Variants in TET2 observed in about 807,000 individuals in gnomAD.
TET2 encodes tet methylcytosine dioxygenase 2, also known as methylcytosine dioxygenase TET2.
Under a neutral mutation model 142.9 loss-of-function variants are expected in TET2, and 299 were observed. That is an observed-to-expected ratio of 2.09 (90% CI 1.90 to 2.30). The LOEUF is 2.30. Ranked by LOEUF, TET2 falls within the 30% of genes most tolerant of loss-of-function variation. TET2 has a pLI of 0.00. For missense variants in TET2, 2,418 were observed against 2,378.0 expected (o/e 1.02, Z -0.35); for synonymous variants, 819 against 849.0 (o/e 0.96, Z 0.61).
At chr4:105,184,069 A>G (rs1480675679) in intron 1 of TET2, among the ~76,000 whole-genome samples, 2 of 152,182 alleles carry the variant, frequency 1.3e-5, no homozygotes, top group African/African-American at 4.8e-5. Flanking sequence ...GTCTCTGACC[A>G]GTGAGGTCAA....
At chr4:105,252,020 G>T (rs115930414) in intron 6 of TET2, among the ~76,000 whole-genome samples, 6,017 of 152,260 alleles carry the variant, frequency 0.04, 401 homozygotes, top group African/African-American at 0.14. Flanking sequence ...TGCAGTCAAT[G>T]AACCTGCATT....
intron 1 of TET2, among the ~76,000 whole-genome samples, chr4:105,189,252 A>T (rs1379697967): frequency 6.6e-6 from 1 of 152,110 alleles, no homozygotes; most frequent in Non-Finnish European, 1.5e-5. Flanking sequence ...AAATGAGGTA[A>T]CATATGTAGT....
intron 2 of TET2, among the ~76,000 whole-genome samples, chr4:105,219,693 T>C (rs945396840): frequency 6.6e-6 from 1 of 152,062 alleles, no homozygotes; most frequent in African/African-American, 2.4e-5. Context: ...GCTGAAGATA[T>C]GAGACAATGT....
At chr4:105,203,973 G>T (rs1490667018) in intron 2 of TET2, among the ~76,000 whole-genome samples, 2 of 151,966 alleles carry the variant, frequency 1.3e-5, no homozygotes, top group African/African-American at 4.8e-5. Context: ...GGCCAAGGCG[G>T]GTAGATTACC....
chr4:105,219,828 AG>A (rs1269169120), intron 2 of TET2, among the ~76,000 whole-genome samples: 2 of 152,112 alleles, frequency 1.3e-5, no homozygotes, highest in Non-Finnish European at 2.9e-5. Flanking sequence ...CTCATTATAT[AG>A]TATTTAATAG....
intron 1 of TET2, among the ~76,000 whole-genome samples, chr4:105,175,307 A>C (rs1466896362): frequency 6.6e-6 from 1 of 152,190 alleles, no homozygotes; most frequent in Non-Finnish European, 1.5e-5. Flanking sequence ...AACTATGGTT[A>C]ATATGGTGAG....
intron 3 of TET2, chr4:105,240,987 G>GC (rs1729265015): frequency 1.9e-6 from 2 of 1,029,372 alleles, no homozygotes; most frequent in Non-Finnish European, 2.4e-6. Context: ...AGCTTTAAAT[G>GC]TTTTTTTTTT....
chr4:105,235,787 C>A lies in TET2; in HGVS notation c.1845C>A (p.Leu615=). The change falls in exon 3 of 11, where the codon CTC becomes CTA. Residue 615 remains leucine, a synonymous_variant. Coordinates refer to ENST00000380013, the MANE Select transcript of TET2 (RefSeq NM_001127208.3). ...YTGNSNMPGG[L]PRQAYTQKTT... is the part of the protein sequence containing the mutation. ...GAAATTCCAACATGCCTGGGGGGCT[C>A]CCAAGGCAAGCTTACACCCAGAAAA... The A allele has an allele frequency of 6.2e-7, 1 of 1,614,092 alleles. No homozygotes were observed. Among genetic ancestry groups the A allele is most frequent in the Non-Finnish European group, 8.5e-7 (1 of 1,180,010 alleles).
chr4:105,236,069 GA>G lies in TET2; in HGVS notation c.2128del (p.Thr710LeufsTer41). 6.2e-7 allele frequency: 1 copy of G among 1,614,136 alleles called. No individual in the cohort carries two copies. The highest frequency in any genetic ancestry group is 8.5e-7 in the Non-Finnish European group (1 of 1,180,022). On this transcript the variant is annotated frameshift_variant, in exon 3 of 11. Transcript: ENST00000380013. LOFTEE classifies it high-confidence loss of function. Reference protein sequence around the residue: ...KQHLNQQASETEPFSNSHLLQ... With the variant: ...KQHLNQQASEXEPFSNSHLLQ... ...AGCACTTGAATCAACAGGCTTCAGAGACTGAGCCATTTTCAAACTCACACCT... is the reference window on the plus strand; with the variant it reads ...AGCACTTGAATCAACAGGCTTCAGAGCTGAGCCATTTTCAAACTCACACCT...
At chr4:105,267,821 T>G (rs1730760097) in intron 8 of TET2, among the ~76,000 whole-genome samples, 1 of 151,908 alleles carries the variant, frequency 6.6e-6, no homozygotes, top group Non-Finnish European at 1.5e-5. Context: ...AAAAAGATAT[T>G]TTTAACATAA....
At chr4:105,253,430 G>A (rs1234611577) in intron 6 of TET2, among the ~76,000 whole-genome samples, 1 of 151,942 alleles carries the variant, frequency 6.6e-6, no homozygotes, top group Non-Finnish European at 1.5e-5. Context: ...GGTGCTAATG[G>A]TAATGTATTT....
At chr4:105,250,839 C>T (rs923547770) in intron 6 of TET2, among the ~76,000 whole-genome samples, 1 of 152,002 alleles carries the variant, frequency 6.6e-6, no homozygotes, top group African/African-American at 2.4e-5. Flanking sequence ...GCCACCATGC[C>T]TGGCTAATTG....
At chr4:105,147,764 T>C (rs1248542336) in intron 1 of TET2, 1 of 150,904 alleles carries the variant, frequency 6.6e-6, no homozygotes, top group Non-Finnish European at 1.5e-5. Flanking sequence ...GTCCCGGCTT[T>C]GTGCTTCTCC....
intron 1 of TET2, among the ~76,000 whole-genome samples, chr4:105,185,555 C>T (rs779190790): frequency 7.3e-5 from 11 of 151,688 alleles, no homozygotes; most frequent in Non-Finnish European, 1.2e-4. Context: ...CCGAGGTATG[C>T]GGATCACGAG....
At position 105,234,881 on chromosome 4, in the gene TET2, C is replaced by A. The variant is rs771091530; in HGVS notation, c.939C>A (p.Thr313=). ...GTAAACTAGCTGCAATGCTAAATAC[C>A]TGTTCCTTTCAGAAACCAGAACAAC... The part of the protein sequence containing the change: ...NASKLAAMLN[T]CSFQKPEQLQ... The change falls in exon 3 of 11, where the codon ACC becomes ACA. Residue 313 remains threonine (T), a synonymous_variant. Coordinates refer to ENST00000380013, the MANE Select transcript of TET2 (RefSeq NM_001127208.3). 1 of 1,614,116 alleles carries A rather than the reference C, an allele frequency of 6.2e-7. No individual in the cohort carries two copies. The highest frequency in any genetic ancestry group is 1.1e-5 in the South Asian group (1 of 91,080).
chr4:105,262,310 A>T (rs1730476051), intron 8 of TET2, among the ~76,000 whole-genome samples: 2 of 152,158 alleles, frequency 1.3e-5, no homozygotes, highest in Admixed American at 1.3e-4. Flanking sequence ...GATGTGTCAG[A>T]TTTTGCTGAT....
At chr4:105,222,497 G>A (rs1280016965) in intron 2 of TET2, among the ~76,000 whole-genome samples, 2 of 152,160 alleles carry the variant, frequency 1.3e-5, no homozygotes, top group African/African-American at 4.8e-5. Context: ...GTGTCTTTTG[G>A]CTGCATAAAT....
At chr4:105,243,483 C>G (rs1729413364) in intron 5 of TET2, 87 bp from the exon 6 acceptor site, 2 of 1,148,618 alleles carry the variant, frequency 1.7e-6, no homozygotes, top group Admixed American at 4.0e-5. Flanking sequence ...AATATACATA[C>G]ATAAGTGCCC....
At chr4:105,268,427 A>T (rs1730796426) in intron 8 of TET2, among the ~76,000 whole-genome samples, 1 of 152,172 alleles carries the variant, frequency 6.6e-6, no homozygotes, top group Admixed American at 6.5e-5. Context: ...ATGTTAATGG[A>T]TCAAAAGACT....
Sources: gnomAD v4.1 joint callset for allele counts (sites outside exome capture counted in the v4.1 genomes callset) on GRCh38, gnomAD v4.1.1 for gene constraint, MANE v1.5 for transcripts, NCBI Gene and HGNC (gene_info 2026-07-23, HGNC 2026-07-21) for gene names.